Variants in SPOCK3 observed in about 807,000 individuals in gnomAD.
The protein encoded by SPOCK3 is SPARC (osteonectin), cwcv and kazal like domains proteoglycan 3, also known as testican-3.
In SPOCK3, 30 loss-of-function variants were observed where a neutral mutation model predicts 56.6. The observed-to-expected ratio is 0.53, with a 90% CI of 0.40 to 0.72. The LOEUF is 0.72. SPOCK3 is among the 30% of genes least tolerant of loss of function. The pLI, the probability that SPOCK3 is intolerant of heterozygous loss-of-function variation, is 0.00. For missense variants in SPOCK3, 527 were observed against 530.0 expected, an observed-to-expected ratio of 0.99 and a Z score of 0.06; for synonymous variants, 196 against 183.3, an observed-to-expected ratio of 1.07 and a Z score of -0.56.
intron 2 of SPOCK3, among the ~76,000 whole-genome samples, chr4:167,158,937 G>T (rs950387527): frequency 6.6e-6 from 1 of 151,914 alleles, no homozygotes; most frequent in East Asian, 1.9e-4. Flanking sequence ...TAGAAGGAAG[G>T]CAGAGCTAGT....
chr4:167,062,415 A>G, intron 3 of SPOCK3, 77 bp downstream of exon 3: 5 of 1,133,392 alleles, frequency 4.4e-6, no homozygotes, highest in Non-Finnish European at 6.4e-6. Flanking sequence ...GCCTAACCAG[A>G]CAGTAAATAT....
chr4:166,890,190 A>G (rs1391962418), intron 5 of SPOCK3, among the ~76,000 whole-genome samples: 1 of 151,930 alleles, frequency 6.6e-6, no homozygotes, highest in Non-Finnish European at 1.5e-5. Context: ...AGCACTTAAG[A>G]TGGTGATGAC....
At chr4:167,029,650 C>T (rs1014044039) in intron 3 of SPOCK3, among the ~76,000 whole-genome samples, 1 of 151,988 alleles carries the variant, frequency 6.6e-6, no homozygotes, top group African/African-American at 2.4e-5. Flanking sequence ...ATGCTGCAGG[C>T]ATAATTGGCT....
At chr4:166,963,228 T>G (rs527473988) in intron 4 of SPOCK3, among the ~76,000 whole-genome samples, 98 of 152,116 alleles carry the variant, frequency 6.4e-4, no homozygotes, top group Non-Finnish European at 1.1e-3. Flanking sequence ...TTACTAAAAT[T>G]AGTTAAGTAA....
chr4:167,063,996 G>C (rs1340780882), intron 2 of SPOCK3, among the ~76,000 whole-genome samples: 1 of 151,754 alleles, frequency 6.6e-6, no homozygotes, highest in Non-Finnish European at 1.5e-5. Context: ...TTTATATAAT[G>C]ACTTATCTTC....
At chr4:166,994,485 G>C (rs1748148476) in intron 4 of SPOCK3, among the ~76,000 whole-genome samples, 3 of 152,108 alleles carry the variant, frequency 2.0e-5, no homozygotes, top group African/African-American at 7.2e-5. Context: ...ATTTCCTGCT[G>C]TAAGAAATCT....
At chr4:166,771,402 C>T (rs3925714) in intron 7 of SPOCK3, among the ~76,000 whole-genome samples, 69,483 of 151,760 alleles carry the variant, frequency 0.46, 16,435 homozygotes, top group African/African-American at 0.51. Context: ...AATAGATTAT[C>T]TTGAAGAATC....
chr4:167,102,088 C>A (rs964234823), intron 2 of SPOCK3, among the ~76,000 whole-genome samples: 1 of 151,818 alleles, frequency 6.6e-6, no homozygotes, highest in African/African-American at 2.4e-5. Context: ...GTTGAAATAA[C>A]CACTTTATTT....
intron 2 of SPOCK3, chr4:167,119,862 G>A (rs990710791): frequency 1.1e-5 from 17 of 1,525,492 alleles, no homozygotes; most frequent in East Asian, 2.5e-5. Context: ...TCAAATAATC[G>A]TTTTTCTTCT....
chr4:167,002,197 G>T (rs1021160358), intron 3 of SPOCK3, among the ~76,000 whole-genome samples: 3 of 152,060 alleles, frequency 2.0e-5, no homozygotes, highest in African/African-American at 4.8e-5. Context: ...GACCCGAAAT[G>T]ATCCACCCAC....
chr4:166,964,525 C>A (rs907785497), intron 4 of SPOCK3, among the ~76,000 whole-genome samples: 2 of 151,730 alleles, frequency 1.3e-5, no homozygotes, highest in African/African-American at 4.8e-5. Flanking sequence ...GTAATGTTCT[C>A]ATCACATATT....
intron 2 of SPOCK3, among the ~76,000 whole-genome samples, chr4:167,205,238 CATATTATATATTAT>C: frequency 1.5e-5 from 1 of 67,498 alleles, no homozygotes; most frequent in Non-Finnish European, 2.6e-5. Flanking sequence ...ATCTATAATA[CATATTATATATTAT>C]ATATATTTTA....
intron 6 of SPOCK3, among the ~76,000 whole-genome samples, chr4:166,804,957 T>C (rs1368638176): frequency 2.6e-5 from 4 of 151,958 alleles, no homozygotes; most frequent in Non-Finnish European, 5.9e-5. Flanking sequence ...GAAAATATGT[T>C]AATTTATTTA....
chr4:167,147,863 A>G (rs1292895330), intron 2 of SPOCK3, among the ~76,000 whole-genome samples: 1 of 152,066 alleles, frequency 6.6e-6, no homozygotes, highest in African/African-American at 2.4e-5. Context: ...AATGTAGGTG[A>G]CGGGTGGATG....
intron 3 of SPOCK3, among the ~76,000 whole-genome samples, chr4:167,038,309 G>T (rs1045785986): frequency 6.6e-6 from 1 of 152,076 alleles, no homozygotes. Context: ...AGAAAGAAAA[G>T]AAAGGGTAAA....
intron 2 of SPOCK3, among the ~76,000 whole-genome samples, chr4:167,156,693 T>C (rs1483171276): frequency 1.3e-5 from 2 of 152,152 alleles, no homozygotes; most frequent in African/African-American, 2.4e-5. Context: ...TTCCCTATTT[T>C]ATGTAAAACA....
chr4:167,108,968 T>A (rs867315045), intron 2 of SPOCK3, among the ~76,000 whole-genome samples: 35 of 74,010 alleles, frequency 4.7e-4, no homozygotes, highest in South Asian at 1.2e-3. Context: ...TATATATAAA[T>A]ATATAAATAT....
At chr4:166,965,005 G>A (rs1224463405) in intron 4 of SPOCK3, among the ~76,000 whole-genome samples, 1 of 151,828 alleles carries the variant, frequency 6.6e-6, no homozygotes, top group Non-Finnish European at 1.5e-5. Context: ...CTAATCTCTA[G>A]GCATCTGGCA....
intron 2 of SPOCK3, among the ~76,000 whole-genome samples, chr4:167,113,131 T>G (rs1316415646): frequency 6.6e-6 from 1 of 152,140 alleles, no homozygotes; most frequent in African/African-American, 2.4e-5. Context: ...TGAAAAATAC[T>G]CAAAGTCAAT....
Sources: allele counts gnomAD v4.1 joint callset (sites outside exome capture counted in the v4.1 genomes callset), GRCh38; gene constraint gnomAD v4.1.1; transcripts MANE v1.5; gene names NCBI Gene and HGNC (gene_info 2026-07-23, HGNC 2026-07-21).